Variants in AFF4 observed in about 807,000 individuals in gnomAD.
AFF4 encodes AF4/FMR2 family member 4.
AFF4 carries 13 observed loss-of-function variants against 124.8 expected under a neutral mutation model. That is an observed-to-expected ratio of 0.10 (90% CI 0.07 to 0.17). AFF4 has a LOEUF of 0.17. Among genes scored for constraint, AFF4 ranks in the 10% least tolerant of loss-of-function variants. AFF4 has a pLI of 1.00. For synonymous variants in AFF4, 477 were observed against 496.1 expected (o/e 0.96, Z 0.51); for missense variants, 1,092 against 1,403.8 (o/e 0.78, Z 3.55).
At chr5:132,928,893 G>T (rs1276558065) in intron 4 of AFF4, among the ~76,000 whole-genome samples, 3 of 152,036 alleles carry the variant, frequency 2.0e-5, no homozygotes, top group Non-Finnish European at 4.4e-5. Context: ...AAAATGCTTT[G>T]ATTTTTAATA....
At chr5:132,958,696 T>C (rs1256374437) in intron 1 of AFF4, among the ~76,000 whole-genome samples, 4 of 152,126 alleles carry the variant, frequency 2.6e-5, no homozygotes, top group Non-Finnish European at 4.4e-5. Flanking sequence ...AAGGTGTGTC[T>C]CTACAGAGTA....
At chr5:132,929,821 C>A (rs1348474351) in intron 4 of AFF4, among the ~76,000 whole-genome samples, 1 of 152,004 alleles carries the variant, frequency 6.6e-6, no homozygotes, top group African/African-American at 2.4e-5. Flanking sequence ...GACCACAGGG[C>A]CTGAAGTAAA....
At chr5:132,893,925 A>G (rs1407875145) in intron 11 of AFF4, among the ~76,000 whole-genome samples, 1 of 152,236 alleles carries the variant, frequency 6.6e-6, no homozygotes, top group Non-Finnish European at 1.5e-5. Flanking sequence ...AAAATGGATC[A>G]TTCAATATAT....
Position 132,937,172 on chromosome 5 carries a change from C to G in AFF4, c.18G>C (p.Arg6=), listed in dbSNP as rs765414832. The stretch of plus-strand genomic sequence containing the variant: ...CCCGTTCTTTCATACGCAGCACATT[C>G]CGGTCTTCACGGTTCATGTTGCTAT... The part of the protein sequence containing the change: MNRED[R]NVLRMKERER... The change falls in exon 2 of 21, where the codon CGG becomes CGC. Residue 6 remains arginine, a synonymous_variant. Coordinates refer to ENST00000265343, the MANE Select transcript of AFF4 (RefSeq NM_014423.4). The G allele has an allele frequency of 9.3e-6, 15 of 1,612,806 alleles. No homozygotes were observed. The highest frequency in any genetic ancestry group is 1.3e-5 in the Non-Finnish European group (15 of 1,179,186).
rs1285989544 is a variant in AFF4 at position 132,934,506 on chromosome 5, C to T, written c.559G>A (p.Val187Ile). The part of the protein sequence containing the change: ...RSSSPGKPQA[V>I]SSLNSSHSRS... ...GAATGACTAGAGTTTAATGAAGAAA[C>T]AGCCTGGGGTTTTCCAGGGCTGGAA... Residue 187 changes from valine (V) to isoleucine (I), a missense_variant, in exon 3 of 21, where the codon GTT becomes ATT. By Grantham distance (29) the Val-to-Ile change is conservative. Transcript: ENST00000265343. 4 of 1,614,128 alleles carry T rather than the reference C, an allele frequency of 2.5e-6. No individual in the cohort carries two copies. The highest frequency in any genetic ancestry group is 3.3e-5 in the Admixed American group (2 of 60,004).
chr5:132,932,986 A>G (rs1027000746), intron 3 of AFF4, among the ~76,000 whole-genome samples: 3 of 152,232 alleles, frequency 2.0e-5, no homozygotes, highest in African/African-American at 7.2e-5. Flanking sequence ...AATGTTTGCA[A>G]AACAGCATTT....
intron 5 of AFF4, chr5:132,926,093 A>G (rs1232412079): frequency 2.4e-5 from 5 of 210,234 alleles, no homozygotes; most frequent in Non-Finnish European, 5.0e-5. Flanking sequence ...ACAGGTCCCC[A>G]AGACCTACTG....
intron 19 of AFF4, 93 bp downstream of exon 19, chr5:132,884,983 A>C (rs1459472866): frequency 1.3e-6 from 1 of 769,078 alleles, no homozygotes; most frequent in Non-Finnish European, 2.1e-6. Context: ...TACTTATTTA[A>C]AAAGTAGTCA....
chr5:132,896,260 G>A (rs1760391548), intron 11 of AFF4, 63 bp downstream of exon 11: 1 of 1,515,812 alleles, frequency 6.6e-7, no homozygotes, highest in South Asian at 1.3e-5. Context: ...GTGGCTTACT[G>A]AGATTTCCAC....
rs146868687 is a variant in AFF4 at position 132,937,968 on chromosome 5, C to G, written c.-4-775G>C. ...TCACTAGAACAAACCAAGAGAAATA[C>G]AGCCAATTTATAGCAGCAAGGATTT... On this transcript the variant is annotated intron_variant, in intron 1 of 20. Transcript: ENST00000265343. 5.3e-5 allele frequency among the ~76,000 whole-genome samples: 8 copies of G among 152,238 alleles called. No homozygotes were observed. In the East Asian group the frequency reaches 1.2e-3, roughly 22 times the overall value.
chr5:132,955,943 A>G (rs1014882917), intron 1 of AFF4, among the ~76,000 whole-genome samples: 41 of 144,180 alleles, frequency 2.8e-4, no homozygotes, highest in African/African-American at 7.5e-4. Flanking sequence ...ACTATACTAT[A>G]TAGTATAGTA....
At chr5:132,953,423 A>T (rs1006550577) in intron 1 of AFF4, among the ~76,000 whole-genome samples, 3 of 151,140 alleles carry the variant, frequency 2.0e-5, no homozygotes, top group African/African-American at 7.3e-5. Context: ...TTTTCTTTTC[A>T]ATTTTTTGTA....
At chr5:132,954,356 T>C (rs920230912) in intron 1 of AFF4, among the ~76,000 whole-genome samples, 11 of 152,170 alleles carry the variant, frequency 7.2e-5, no homozygotes, top group Admixed American at 5.9e-4. Flanking sequence ...ACGTGACTTG[T>C]GACAGGGGTG....
At chr5:132,899,528 T>C in intron 8 of AFF4, 59 bp downstream of exon 8, 1 of 1,390,324 alleles carries the variant, frequency 7.2e-7, no homozygotes, top group Non-Finnish European at 9.8e-7. Context: ...TTATCATTTT[T>C]ATAAAATACA....
intron 5 of AFF4, among the ~76,000 whole-genome samples, chr5:132,924,115 G>A (rs1490145357): frequency 2.0e-5 from 3 of 151,980 alleles, no homozygotes; most frequent in African/African-American, 4.8e-5. Context: ...TCAGCCAGGC[G>A]TGGTGGTGCA....
intron 4 of AFF4, among the ~76,000 whole-genome samples, chr5:132,929,187 G>C (rs1761247733): frequency 6.6e-6 from 1 of 151,882 alleles, no homozygotes; most frequent in Non-Finnish European, 1.5e-5. Context: ...ACTACAGACA[G>C]GAAAGGGAAA....
intron 2 of AFF4, among the ~76,000 whole-genome samples, chr5:132,936,801 A>G (rs892471802): frequency 6.6e-6 from 1 of 152,176 alleles, no homozygotes; most frequent in African/African-American, 2.4e-5. Context: ...GTAATGCTCT[A>G]TTTCTTGATC....
rs754650344 is a variant in AFF4 at position 132,875,931 on chromosome 5, TTTTAA to T, written c.*5123_*5127del. On this transcript the variant is annotated 3_prime_UTR_variant, in exon 21 of 21. Transcript: ENST00000265343. ...GTACCTTTCTGCAAAATCAACAGGC[TTTTAA>T]TTTATCAGTGACATTATCTCCCCTC... is the stretch of plus-strand genomic sequence containing the variant. 1.4e-3 allele frequency: 319 copies of T among 226,776 alleles called. 2 individuals are homozygous for T. The highest frequency in any genetic ancestry group is 9.3e-3 in the Middle Eastern group (7 of 750). The allele number at this position is 226,776 out of a possible 1,614,324, so 14.0% of individuals were successfully genotyped here.
intron 5 of AFF4, among the ~76,000 whole-genome samples, chr5:132,905,014 C>T (rs1429454000): frequency 4.2e-5 from 6 of 144,026 alleles, no homozygotes; most frequent in African/African-American, 1.6e-4. Context: ...CGCGCCACTG[C>T]ACTCCAGCCT....
Sources: allele counts gnomAD v4.1 joint callset (sites outside exome capture counted in the v4.1 genomes callset), GRCh38; gene constraint gnomAD v4.1.1; transcripts MANE v1.5; gene names NCBI Gene and HGNC (gene_info 2026-07-23, HGNC 2026-07-21).